Variants in LEMD3 observed in about 807,000 individuals in gnomAD.
LEMD3 encodes the protein inner nuclear membrane protein Man1.
LEMD3 carries 33 observed loss-of-function variants against 95.2 expected under a neutral mutation model. The ratio of observed to expected loss-of-function variants is 0.35; its 90% CI spans 0.26 to 0.46. The LOEUF (loss-of-function observed/expected upper bound fraction) is 0.46. LEMD3 is among the 20% of genes least tolerant of loss of function. LEMD3 has a pLI of 1.00. For synonymous variants in LEMD3, 525 were observed against 474.6 expected (o/e 1.11, Z -1.38); for missense variants, 1,210 against 1,192.8 (o/e 1.01, Z -0.21).
chr12:65,204,503 CATG>C, intron 1 of LEMD3, among the ~76,000 whole-genome samples: 1 of 152,168 alleles, frequency 6.6e-6, no homozygotes, highest in Non-Finnish European at 1.5e-5. Flanking sequence ...CTGCAAAGGA[CATG>C]ATCTAGTTCC....
intron 4 of LEMD3, among the ~76,000 whole-genome samples, chr12:65,232,475 A>G (rs1167876932): frequency 6.6e-6 from 1 of 152,174 alleles, no homozygotes; most frequent in African/African-American, 2.4e-5. Flanking sequence ...ATGAGTGAAT[A>G]AGCCTCAGTA....
At position 65,170,662 on chromosome 12, in the gene LEMD3, A is replaced by G; in HGVS notation, c.1066A>G (p.Arg356Gly). Residue 356 changes from arginine (R) to glycine (G), a missense_variant, in exon 1 of 13, where the codon AGA becomes GGA. Transcript: ENST00000308330. Reference sequence around the variant, plus strand: ...TCAAGTGGACTCCAGCCCCGTTCCTAGATACCGTGTTAACGCTAAGAAACT... The same window carrying G: ...TCAAGTGGACTCCAGCCCCGTTCCTGGATACCGTGTTAACGCTAAGAAACT... ...CDQVDSSPVP[R>G]YRVNAKKLTP... 6.2e-7 allele frequency: 1 copy of G among 1,614,200 alleles called. No homozygotes were observed.
intron 1 of LEMD3, among the ~76,000 whole-genome samples, chr12:65,197,699 G>A (rs1275795192): frequency 1.3e-5 from 2 of 152,008 alleles, no homozygotes; most frequent in African/African-American, 4.8e-5. Context: ...AGTCAATGAC[G>A]GGAACTTCTT....
Position 65,223,730 on chromosome 12 carries a change from A to G in LEMD3, c.1695+5111A>G, listed in dbSNP as rs186783845. On this transcript the variant is annotated intron_variant, in intron 4 of 12. Transcript: ENST00000308330. The stretch of plus-strand genomic sequence containing the variant: ...AGTTTAGTCCATTTACATTTAAAGT[A>G]ATTACTAATAGGAAAGGACTTATAT... Among the ~76,000 whole-genome samples, 343 of 151,684 alleles carry G rather than the reference A, an allele frequency of 2.3e-3. 2 individuals carry two copies. Among genetic ancestry groups the G allele is most frequent in the Middle Eastern group, 0.01 (3 of 286 alleles).
chr12:65,205,306 T>C (rs1869729986), intron 1 of LEMD3, among the ~76,000 whole-genome samples: 1 of 152,156 alleles, frequency 6.6e-6, no homozygotes, highest in Non-Finnish European at 1.5e-5. Context: ...ATAACAGTTT[T>C]CTGCCCCCCT....
At chr12:65,193,097 A>G (rs1869295653) in intron 1 of LEMD3, among the ~76,000 whole-genome samples, 2 of 152,316 alleles carry the variant, frequency 1.3e-5, no homozygotes, top group Admixed American at 6.5e-5. Flanking sequence ...GCACCAAAGT[A>G]TGTTACTGTC....
At chr12:65,184,173 A>G (rs1242386553) in intron 1 of LEMD3, among the ~76,000 whole-genome samples, 1 of 152,218 alleles carries the variant, frequency 6.6e-6, no homozygotes, top group Non-Finnish European at 1.5e-5. Flanking sequence ...AATACTTAGC[A>G]GCATGTTCTA....
chr12:65,202,069 T>C (rs1869618865), intron 1 of LEMD3, among the ~76,000 whole-genome samples: 1 of 150,858 alleles, frequency 6.6e-6, no homozygotes, highest in South Asian at 2.1e-4. Context: ...TGGAGTGCAA[T>C]GGTGCAATCT....
chr12:65,226,296 A>G (rs1246998540), intron 4 of LEMD3, among the ~76,000 whole-genome samples: 2 of 152,124 alleles, frequency 1.3e-5, no homozygotes, highest in Non-Finnish European at 2.9e-5. Context: ...TGGGGTGATG[A>G]GAGTGTCTGG....
chr12:65,218,403 T>C (rs1467651737), intron 3 of LEMD3, 149 bp from the exon 4 acceptor site: 1 of 430,768 alleles, frequency 2.3e-6, no homozygotes, highest in South Asian at 4.0e-5. Context: ...CTAGAAATTA[T>C]AAATAATATT....
At chr12:65,200,032 G>A (rs1176452849) in intron 1 of LEMD3, among the ~76,000 whole-genome samples, 2 of 151,540 alleles carry the variant, frequency 1.3e-5, no homozygotes, top group East Asian at 3.9e-4. Flanking sequence ...GAGGGGTTGG[G>A]GGTGCAACCC....
chr12:65,176,348 A>G (rs1331467596), intron 1 of LEMD3, among the ~76,000 whole-genome samples: 1 of 152,204 alleles, frequency 6.6e-6, no homozygotes, highest in African/African-American at 2.4e-5. Context: ...TGAGTAAGTC[A>G]TGAAATTTGT....
At chr12:65,215,261 A>G (rs1365215908) in intron 2 of LEMD3, among the ~76,000 whole-genome samples, 1 of 152,136 alleles carries the variant, frequency 6.6e-6, no homozygotes, top group Non-Finnish European at 1.5e-5. Flanking sequence ...TTTTAAATCA[A>G]ACTCAAATAT....
intron 1 of LEMD3, among the ~76,000 whole-genome samples, chr12:65,172,885 C>G: frequency 6.6e-6 from 1 of 152,096 alleles, no homozygotes; most frequent in South Asian, 2.1e-4. Flanking sequence ...GCCGCCACAC[C>G]TGGCTAAATT....
intron 1 of LEMD3, among the ~76,000 whole-genome samples, chr12:65,201,424 A>G (rs1869596718): frequency 6.6e-6 from 1 of 152,202 alleles, no homozygotes; most frequent in Admixed American, 6.5e-5. Flanking sequence ...TTTCTTATCC[A>G]TGGACATGAA....
chr12:65,227,516 T>C (rs1565795439), intron 4 of LEMD3, among the ~76,000 whole-genome samples: 1 of 152,194 alleles, frequency 6.6e-6, no homozygotes, highest in Non-Finnish European at 1.5e-5. Context: ...TCAAGTTCTT[T>C]ATATAAAATA....
At position 65,246,188 on chromosome 12, in the gene LEMD3, C is replaced by T. The variant is rs376937981; in HGVS notation, c.2599C>T (p.Arg867Ter). 6.2e-7 allele frequency: 1 copy of T among 1,611,322 alleles called. No homozygotes were observed. Among genetic ancestry groups the T allele is most frequent in the Non-Finnish European group, 8.5e-7 (1 of 1,178,004 alleles). ...GAAATTGGTTACAGTAAAATATTTACGACTAGATAGATACCACCATCGCTT... is the reference window on the plus strand; with the variant it reads ...GAAATTGGTTACAGTAAAATATTTATGACTAGATAGATACCACCATCGCTT... The part of the protein sequence containing the change: ...DGKLVTVKYL[R>*]LDRYHHRFPQ... Residue 867 changes from arginine to a stop codon, truncating the protein, a stop_gained, in exon 13 of 13, where the codon CGA becomes TGA. Coordinates refer to ENST00000308330, the MANE Select transcript of LEMD3 (RefSeq NM_014319.5). LOFTEE classifies it high-confidence loss of function.
intron 4 of LEMD3, among the ~76,000 whole-genome samples, chr12:65,226,910 A>G (rs1308436203): frequency 2.6e-5 from 4 of 152,236 alleles, no homozygotes; most frequent in Admixed American, 2.0e-4. Context: ...GTAATCTCTA[A>G]TAACATGCCA....
intron 1 of LEMD3, among the ~76,000 whole-genome samples, chr12:65,190,530 C>G (rs1869207598): frequency 6.6e-6 from 1 of 152,132 alleles, no homozygotes; most frequent in Admixed American, 6.6e-5. Flanking sequence ...CAACCAATTG[C>G]CAATCAGAAT....
Sources: gnomAD v4.1 joint callset for allele counts (sites outside exome capture counted in the v4.1 genomes callset) on GRCh38, gnomAD v4.1.1 for gene constraint, MANE v1.5 for transcripts, NCBI Gene and HGNC (gene_info 2026-07-23, HGNC 2026-07-21) for gene names.